Variants in CHN1 observed in about 807,000 individuals in gnomAD.
The protein encoded by CHN1 is chimerin 1.
A neutral mutation model predicts 59.5 loss-of-function variants in CHN1; 37 were observed. The observed-to-expected ratio is 0.62, with a 90% CI of 0.48 to 0.82. The LOEUF (loss-of-function observed/expected upper bound fraction) is 0.82, where lower values mean the gene tolerates loss of function less well. Among genes scored for constraint, CHN1 ranks in the 40% least tolerant of loss-of-function variants. CHN1 has a pLI of 0.00. For synonymous variants in CHN1, 206 were observed against 200.4 expected, an observed-to-expected ratio of 1.03 and a Z score of -0.24; for missense variants, 469 against 571.0, an observed-to-expected ratio of 0.82 and a Z score of 1.82.
intron 1 of CHN1, among the ~76,000 whole-genome samples, chr2:174,978,767 A>G (rs963454444): frequency 3.9e-5 from 6 of 152,248 alleles, no homozygotes; most frequent in African/African-American, 1.4e-4. Context: ...CTAACGATAC[A>G]CAATCATTTT....
At chr2:174,906,486 T>G (rs569119317) in intron 5 of CHN1, among the ~76,000 whole-genome samples, 1 of 152,256 alleles carries the variant, frequency 6.6e-6, no homozygotes, top group East Asian at 1.9e-4. Context: ...GATGTAGAGG[T>G]TCTTTTCAGG....
intron 11 of CHN1, 192 bp from the exon 12 acceptor site, chr2:174,802,004 T>C (rs1574031327): frequency 4.4e-6 from 2 of 457,284 alleles, no homozygotes; most frequent in East Asian, 8.3e-5. Context: ...AGTTTCAATG[T>C]GGCAACACTA....
intron 7 of CHN1, among the ~76,000 whole-genome samples, chr2:174,827,896 A>G (rs192240007): frequency 2.4e-4 from 37 of 152,254 alleles, no homozygotes; most frequent in African/African-American, 8.7e-4. Flanking sequence ...TTTAGAAGTG[A>G]GGTGGGGAGG....
At chr2:174,971,319 TAA>T (rs1263156674) in intron 1 of CHN1, among the ~76,000 whole-genome samples, 8 of 151,354 alleles carry the variant, frequency 5.3e-5, no homozygotes, top group Admixed American at 5.3e-4. Context: ...CTCCGTCTCT[TAA>T]AAAAAAAGTC....
chr2:174,973,852 C>A (rs557251523), intron 1 of CHN1, among the ~76,000 whole-genome samples: 2 of 152,260 alleles, frequency 1.3e-5, no homozygotes, highest in East Asian at 1.9e-4. Flanking sequence ...AAACCTTTTA[C>A]CTTTATTCCT....
chr2:174,963,343 G>T (rs1230915975), intron 1 of CHN1, among the ~76,000 whole-genome samples: 1 of 152,312 alleles, frequency 6.6e-6, no homozygotes, highest in South Asian at 2.1e-4. Context: ...ACTGATGAAC[G>T]AATGGAAGGA....
intron 6 of CHN1, among the ~76,000 whole-genome samples, chr2:174,863,815 C>T (rs1326865791): frequency 6.6e-6 from 1 of 152,098 alleles, no homozygotes; most frequent in Non-Finnish European, 1.5e-5. Context: ...GTTGATTATA[C>T]TGAATCAAAA....
intron 2 of CHN1, among the ~76,000 whole-genome samples, chr2:174,947,181 A>C (rs1689864738): frequency 6.6e-6 from 1 of 152,188 alleles, no homozygotes. Flanking sequence ...ATCAGCAGTA[A>C]GCATTTGCCT....
chr2:174,843,621 T>C (rs1686391863), intron 7 of CHN1, among the ~76,000 whole-genome samples: 1 of 151,422 alleles, frequency 6.6e-6, no homozygotes, highest in African/African-American at 2.4e-5. Context: ...TTCAATCACA[T>C]CATAATCTCT....
intron 11 of CHN1, 51 bp downstream of exon 11, chr2:174,808,854 T>C (rs527703610): frequency 1.9e-6 from 3 of 1,595,052 alleles, no homozygotes; most frequent in East Asian, 2.2e-5. Flanking sequence ...AGGAAGGTGA[T>C]TACCAAGAGG....
intron 1 of CHN1, among the ~76,000 whole-genome samples, chr2:175,000,073 A>G (rs1691836195): frequency 6.6e-6 from 1 of 152,146 alleles, no homozygotes; most frequent in African/African-American, 2.4e-5. Flanking sequence ...CTCTCCACAC[A>G]TTAAAAGACA....
At chr2:174,802,000 A>C in intron 11 of CHN1, 188 bp from the exon 12 acceptor site, 1 of 468,996 alleles carries the variant, frequency 2.1e-6, no homozygotes, top group East Asian at 4.1e-5. Flanking sequence ...TCTTAGTTTC[A>C]ATGTGGCAAC....
chr2:174,901,600 A>C (rs886361666), intron 5 of CHN1, among the ~76,000 whole-genome samples: 2 of 152,176 alleles, frequency 1.3e-5, no homozygotes, highest in Non-Finnish European at 2.9e-5. Context: ...AAGCTCCATA[A>C]GGCCAGGGAT....
Position 174,894,589 on chromosome 2 carries a change from C to T in CHN1, c.261-16461G>A, listed in dbSNP as rs1688153319. 4.3e-5 allele frequency among the ~76,000 whole-genome samples: 5 copies of T among 115,210 alleles called. No individual in the cohort carries two copies. The Admixed American group carries it at 4.7e-4, about 11-fold the overall frequency. The allele number at this position is 115,210 out of a possible 152,430, so 75.6% of individuals were successfully genotyped here. A position where few individuals can be genotyped will look rare whatever the true frequency, so the allele number is the denominator to read the frequency against. ...GTTCCTCACAAAATTAAAAATAGAA[C>T]TATTATTATGACCCAGCAATCCGAC... On this transcript the variant is annotated intron_variant, in intron 5 of 12. Transcript: ENST00000409900.
intron 1 of CHN1, among the ~76,000 whole-genome samples, chr2:174,993,337 C>T (rs1334327998): frequency 6.6e-6 from 1 of 151,894 alleles, no homozygotes; most frequent in Admixed American, 6.6e-5. Flanking sequence ...TCTGGACAAC[C>T]TATCATGATT....
At chr2:174,944,081 A>G (rs1275499143) in intron 3 of CHN1, among the ~76,000 whole-genome samples, 5 of 152,138 alleles carry the variant, frequency 3.3e-5, no homozygotes, top group African/African-American at 1.2e-4. Context: ...TTATTTTAGT[A>G]TTCTATTCTA....
intron 4 of CHN1, among the ~76,000 whole-genome samples, chr2:174,916,437 T>A (rs1404003132): frequency 6.6e-6 from 1 of 152,202 alleles, no homozygotes; most frequent in Non-Finnish European, 1.5e-5. Flanking sequence ...AGAGGGAAAG[T>A]CTTTCCTCCC....
intron 7 of CHN1, chr2:174,837,040 C>CAACA (rs1686108526): frequency 6.6e-6 from 1 of 152,190 alleles, no homozygotes; most frequent in South Asian, 2.1e-4. Context: ...CTATGTGACA[C>CAACA]AACAAATTCC....
At chr2:174,928,049 A>G (rs1489529256) in intron 3 of CHN1, among the ~76,000 whole-genome samples, 1 of 152,218 alleles carries the variant, frequency 6.6e-6, no homozygotes, top group East Asian at 1.9e-4. Context: ...AGAAGGGGAA[A>G]AGGAGAACAA....
Sources: allele counts gnomAD v4.1 joint callset (sites outside exome capture counted in the v4.1 genomes callset), GRCh38; gene constraint gnomAD v4.1.1; transcripts MANE v1.5; gene names NCBI Gene and HGNC (gene_info 2026-07-23, HGNC 2026-07-21).